Variants in PRMT3 observed in about 807,000 individuals in gnomAD.
The protein encoded by PRMT3 is protein arginine methyltransferase 3.
PRMT3 carries 62 observed loss-of-function variants against 71.9 expected under a neutral mutation model. The ratio of observed to expected loss-of-function variants is 0.86; its 90% CI spans 0.70 to 1.07. The LOEUF is 1.07. PRMT3 is among the 50% of genes least tolerant of loss of function. The pLI is 0.00. For missense variants in PRMT3, 663 were observed against 643.0 expected, an observed-to-expected ratio of 1.03 and a Z score of -0.34; for synonymous variants, 213 against 220.4, an observed-to-expected ratio of 0.97 and a Z score of 0.30.
chr11:20,495,218 G>A (rs1349879635), intron 15 of PRMT3, among the ~76,000 whole-genome samples: 3 of 152,036 alleles, frequency 2.0e-5, no homozygotes, highest in Non-Finnish European at 1.5e-5. Flanking sequence ...GTTTCACCAC[G>A]TTGGCTAGGC....
intron 9 of PRMT3, among the ~76,000 whole-genome samples, chr11:20,422,278 A>G (rs952040505): frequency 2.0e-5 from 3 of 152,170 alleles, no homozygotes; most frequent in Admixed American, 1.3e-4. Flanking sequence ...GTTTCTCTGT[A>G]AAACAGTTTC....
intron 2 of PRMT3, among the ~76,000 whole-genome samples, chr11:20,389,026 T>G (rs909847827): frequency 6.6e-6 from 1 of 152,216 alleles, no homozygotes; most frequent in Non-Finnish European, 1.5e-5. Context: ...CATAAAATAT[T>G]TATTGAGCAC....
In PRMT3 at chr11:20,476,845, TCC is replaced by T. The variant is rs544797934; in HGVS notation, c.1347+12302_1347+12303del. 4.5e-3 allele frequency among the ~76,000 whole-genome samples: 685 copies of T among 152,298 alleles called. 3 individuals are homozygous for T. Among genetic ancestry groups the T allele is most frequent in the Non-Finnish European group, 7.0e-3 (477 of 68,026 alleles). On this transcript the variant is annotated intron_variant, in intron 13 of 15. Transcript: ENST00000331079. ...TTCTTTTAAGATGTAATTTGCTAAT[TCC>T]CCAAGTGATCTGCGATTTTGCTTCT...
chr11:20,454,611 A>G (rs1850227400), intron 11 of PRMT3, among the ~76,000 whole-genome samples: 1 of 152,116 alleles, frequency 6.6e-6, no homozygotes, highest in Non-Finnish European at 1.5e-5. Flanking sequence ...AAAATAGTCT[A>G]TTTGTGTTTT....
At chr11:20,441,458 A>T (rs1275062487) in intron 10 of PRMT3, among the ~76,000 whole-genome samples, 1 of 151,788 alleles carries the variant, frequency 6.6e-6, no homozygotes, top group African/African-American at 2.4e-5. Context: ...GGCACCCGCC[A>T]CCATGCCCAG....
chr11:20,447,916 ACACT>A (rs747484368), intron 10 of PRMT3, among the ~76,000 whole-genome samples: 30 of 152,146 alleles, frequency 2.0e-4, no homozygotes, highest in Admixed American at 6.5e-5. Flanking sequence ...TGCTTTGGAA[ACACT>A]CAGGAAGAAG....
At chr11:20,489,792 T>C (rs1191539132) in intron 13 of PRMT3, among the ~76,000 whole-genome samples, 2 of 151,520 alleles carry the variant, frequency 1.3e-5, no homozygotes, top group Admixed American at 6.6e-5. Context: ...TTAATCTCTT[T>C]TAATTAAGAG....
At chr11:20,493,078 C>G (rs968775493) in intron 13 of PRMT3, among the ~76,000 whole-genome samples, 1 of 150,830 alleles carries the variant, frequency 6.6e-6, no homozygotes, top group African/African-American at 2.4e-5. Context: ...ACCCAGGAGG[C>G]GGAGGTTGCA....
chr11:20,477,865 C>A (rs930683298), intron 13 of PRMT3, among the ~76,000 whole-genome samples: 1 of 140,742 alleles, frequency 7.1e-6, no homozygotes, highest in Non-Finnish European at 1.5e-5. Flanking sequence ...CAATAAGTAA[C>A]GTGAGGGAGA....
chr11:20,435,263 ACCATCTCAGCT>A (rs1162784247), intron 10 of PRMT3, among the ~76,000 whole-genome samples: 1 of 151,968 alleles, frequency 6.6e-6, no homozygotes, highest in Non-Finnish European at 1.5e-5. Context: ...GTGCAGTGGC[ACCATCTCAGCT>A]CACCGCAACC....
At chr11:20,424,695 A>T (rs1016422117) in intron 9 of PRMT3, among the ~76,000 whole-genome samples, 3 of 152,230 alleles carry the variant, frequency 2.0e-5, no homozygotes, top group African/African-American at 7.2e-5. Context: ...AAAGTTAAAA[A>T]CTTTAGCTAT....
intron 13 of PRMT3, among the ~76,000 whole-genome samples, chr11:20,475,920 C>T (rs1850771387): frequency 6.6e-6 from 1 of 151,880 alleles, no homozygotes; most frequent in African/African-American, 2.4e-5. Context: ...AGGTGATCTG[C>T]CCACCTCAGC....
chr11:20,406,957 A>G (rs1049876879), intron 8 of PRMT3: 2 of 152,242 alleles, frequency 1.3e-5, no homozygotes, highest in Non-Finnish European at 2.9e-5. Context: ...AAGAATGTCC[A>G]TAAGTTGTTT....
In PRMT3 at chr11:20,475,518, A is replaced by T. The variant is rs1423172537; in HGVS notation, c.1347+10972A>T. On this transcript the variant is annotated intron_variant, in intron 13 of 15. Coordinates refer to ENST00000331079, the MANE Select transcript of PRMT3 (RefSeq NM_005788.4). ...TATAATCTTATGTGACCACCATTGTATATGCAGTCATTGACTGAAACATTG... is the reference window on the plus strand; with the variant it reads ...TATAATCTTATGTGACCACCATTGTTTATGCAGTCATTGACTGAAACATTG... 5.9e-5 allele frequency among the ~76,000 whole-genome samples: 9 copies of T among 152,212 alleles called. No individual in the cohort carries two copies. The East Asian group carries it at 1.4e-3, about 23-fold the overall frequency.
chr11:20,464,156 T>G (rs1335655735), intron 12 of PRMT3, among the ~76,000 whole-genome samples: 1 of 152,166 alleles, frequency 6.6e-6, no homozygotes, highest in Non-Finnish European at 1.5e-5. Context: ...AAAGTATTTA[T>G]TTTAGTGTGT....
At chr11:20,490,699 T>C (rs1167362936) in intron 13 of PRMT3, among the ~76,000 whole-genome samples, 3 of 152,220 alleles carry the variant, frequency 2.0e-5, no homozygotes, top group Non-Finnish European at 2.9e-5. Context: ...ATAACAGTTA[T>C]AGAAGTATAA....
At chr11:20,416,225 C>T (rs1849301454) in intron 9 of PRMT3, among the ~76,000 whole-genome samples, 1 of 152,112 alleles carries the variant, frequency 6.6e-6, no homozygotes, top group Non-Finnish European at 1.5e-5. Flanking sequence ...CCACTTAATT[C>T]TCCTCTATTT....
chr11:20,439,942 G>C (rs1389692727), intron 10 of PRMT3, among the ~76,000 whole-genome samples: 1 of 152,156 alleles, frequency 6.6e-6, no homozygotes, highest in Non-Finnish European at 1.5e-5. Context: ...ACAGACCTGT[G>C]TAACCCATAC....
At chr11:20,403,546 A>G (rs887311557) in intron 8 of PRMT3, among the ~76,000 whole-genome samples, 2 of 151,960 alleles carry the variant, frequency 1.3e-5, no homozygotes, top group African/African-American at 4.8e-5. Flanking sequence ...CTGTGTGTGC[A>G]TGTGCCTGTG....
Sources: gnomAD v4.1 joint callset for allele counts (sites outside exome capture counted in the v4.1 genomes callset) on GRCh38, gnomAD v4.1.1 for gene constraint, MANE v1.5 for transcripts, NCBI Gene and HGNC (gene_info 2026-07-23, HGNC 2026-07-21) for gene names.